The following TSC22D2 variants were observed in gnomAD, a reference collection of about 807,000 sequenced individuals.
TSC22D2 encodes the protein TSC22 domain family member 2, also known as TSC22 domain family protein 2.
In TSC22D2, 5 loss-of-function variants were observed where a neutral mutation model predicts 50.1. The ratio of observed to expected loss-of-function variants is 0.10; its 90% CI spans 0.05 to 0.21. The LOEUF (loss-of-function observed/expected upper bound fraction) is 0.21, where lower values mean the gene tolerates loss of function less well. TSC22D2 is among the 10% of genes least tolerant of loss of function. TSC22D2 has a pLI of 1.00. For missense variants in TSC22D2, 1,003 were observed against 1,015.5 expected (o/e 0.99, Z 0.17); for synonymous variants, 501 against 450.1 (o/e 1.11, Z -1.43).
rs1355252994 is a variant in TSC22D2, at chr3:150,410,022, G to A, written c.672G>A (p.Ser224=). The A allele has an allele frequency of 8.7e-6, 14 of 1,613,318 alleles. No individual in the cohort carries two copies. Among genetic ancestry groups the A allele is most frequent in the Non-Finnish European group, 1.1e-5 (13 of 1,180,034 alleles). ...GCGGCCTGGGCGCCACCGGAGGGTC[G>A]GTGGTGGTAGTAGTGGCCTCCATGC... The part of the protein sequence containing the change: ...RDSGLGATGG[S]VVVVVASMQG... The change falls in exon 1 of 3, where the codon TCG becomes TCA. Residue 224 remains serine (S), a synonymous_variant. Coordinates refer to ENST00000688009, the MANE Select transcript of TSC22D2 (RefSeq NM_001303264.2).
intron 1 of TSC22D2, among the ~76,000 whole-genome samples, chr3:150,416,050 A>G (rs1019016175): frequency 7.9e-5 from 12 of 152,174 alleles, no homozygotes; most frequent in African/African-American, 2.9e-4. Flanking sequence ...AAGGAATCTG[A>G]CCTTCCTTTC....
intron 1 of TSC22D2, among the ~76,000 whole-genome samples, chr3:150,454,787 C>A (rs1357890495): frequency 6.6e-6 from 1 of 152,126 alleles, no homozygotes; most frequent in Non-Finnish European, 1.5e-5. Context: ...AATATTAACA[C>A]CATTTAAGGG....
At chr3:150,454,260 A>C (rs1036137731) in intron 1 of TSC22D2, among the ~76,000 whole-genome samples, 2 of 152,180 alleles carry the variant, frequency 1.3e-5, no homozygotes, top group Non-Finnish European at 2.9e-5. Context: ...CAGCTGAGGG[A>C]GCAGTTTCTG....
intron 1 of TSC22D2, among the ~76,000 whole-genome samples, chr3:150,433,172 G>GT (rs1240607703): frequency 6.6e-6 from 1 of 152,174 alleles, no homozygotes; most frequent in Non-Finnish European, 1.5e-5. Flanking sequence ...TCTCCCAGTT[G>GT]TTTCAAAGTT....
intron 1 of TSC22D2, among the ~76,000 whole-genome samples, chr3:150,423,900 C>G (rs755760247): frequency 2.0e-5 from 3 of 152,104 alleles, no homozygotes; most frequent in Non-Finnish European, 4.4e-5. Context: ...TCGTTAGATT[C>G]TTTTAACTCT....
At chr3:150,450,578 T>G (rs1721009920) in intron 1 of TSC22D2, among the ~76,000 whole-genome samples, 1 of 152,134 alleles carries the variant, frequency 6.6e-6, no homozygotes, top group African/African-American at 2.4e-5. Context: ...TCACCCAAGT[T>G]TTATTCTTAA....
chr3:150,413,848 T>G (rs1013369604), intron 1 of TSC22D2, among the ~76,000 whole-genome samples: 1 of 151,444 alleles, frequency 6.6e-6, no homozygotes, highest in Non-Finnish European at 1.5e-5. Flanking sequence ...AAATTTCAGA[T>G]CCTAAGGAAA....
intron 1 of TSC22D2, among the ~76,000 whole-genome samples, chr3:150,451,729 AG>A (rs1244419265): frequency 6.6e-6 from 1 of 152,168 alleles, no homozygotes; most frequent in East Asian, 1.9e-4. Flanking sequence ...GCTTATTGTA[AG>A]GACTCATTAA....
intron 1 of TSC22D2, among the ~76,000 whole-genome samples, chr3:150,439,874 C>T (rs899947596): frequency 1.3e-5 from 2 of 152,158 alleles, no homozygotes; most frequent in Non-Finnish European, 2.9e-5. Context: ...GCCCATTAGA[C>T]TGATGGGACA....
chr3:150,423,049 G>T, intron 1 of TSC22D2: 1 of 1,612,402 alleles, frequency 6.2e-7, no homozygotes, highest in South Asian at 1.1e-5. Context: ...GATCTCACAG[G>T]AATCCTTCAA....
rs777556133 is a variant in TSC22D2 at position 150,410,863 on chromosome 3, G to A, written c.1513G>A (p.Gly505Arg). 7 of 1,613,782 alleles carry A rather than the reference G, an allele frequency of 4.3e-6. No individual in the cohort carries two copies. The highest frequency in any genetic ancestry group is 4.0e-5 in the African/African-American group (3 of 74,916). ...TGGTGGCCCTCACGCCGTGGTGCCC[G>A]GAGTTCCAAACGTGCCTGCAGCCGT... ...VPGGPHAVVP[G>R]VPNVPAAVPA... Residue 505 changes from glycine (G) to arginine (R), a missense_variant, in exon 1 of 3, where the codon GGA (glycine) becomes AGA (arginine). By Grantham distance (125) the Gly-to-Arg change is moderately radical. Coordinates refer to ENST00000688009, the MANE Select transcript of TSC22D2 (RefSeq NM_001303264.2).
chr3:150,428,265 G>A (rs143301667), intron 1 of TSC22D2, among the ~76,000 whole-genome samples: 1 of 151,986 alleles, frequency 6.6e-6, no homozygotes, highest in Admixed American at 6.6e-5. Flanking sequence ...GGACTCTTTC[G>A]TATCACATAT....
At chr3:150,440,621 C>A (rs1720684491) in intron 1 of TSC22D2, among the ~76,000 whole-genome samples, 1 of 87,060 alleles carries the variant, frequency 1.1e-5, no homozygotes, top group Non-Finnish European at 2.8e-5. Flanking sequence ...CATGTAAAAC[C>A]CTTATTAAAT....
intron 1 of TSC22D2, among the ~76,000 whole-genome samples, chr3:150,433,896 A>G (rs1457172897): frequency 6.6e-6 from 1 of 152,092 alleles, no homozygotes; most frequent in Admixed American, 6.5e-5. Flanking sequence ...GCAACATGGC[A>G]AAACCTCATC....
At chr3:150,448,993 A>C (rs1720963497) in intron 1 of TSC22D2, among the ~76,000 whole-genome samples, 1 of 151,994 alleles carries the variant, frequency 6.6e-6, no homozygotes, top group Non-Finnish European at 1.5e-5. Context: ...CCATTTGCTT[A>C]CCAGATTTAC....
rs367978951 is a variant in TSC22D2, at chr3:150,437,047, T to C, written c.1959-20029T>C. ...CCTTTATAGTGTTTTATTTAGGGGATTAATTTAGGCAAAACTATGCCCACA... is the reference window on the plus strand; with the variant it reads ...CCTTTATAGTGTTTTATTTAGGGGACTAATTTAGGCAAAACTATGCCCACA... On this transcript the variant is annotated intron_variant, in intron 1 of 2. Transcript: ENST00000688009. Among the ~76,000 whole-genome samples, 3 of 152,174 alleles carry C rather than the reference T, an allele frequency of 2.0e-5. No individual in the cohort carries two copies. The East Asian group carries it at 5.8e-4, about 29-fold the overall frequency.
intron 1 of TSC22D2, among the ~76,000 whole-genome samples, chr3:150,437,808 A>AAAATAAAT: frequency 6.6e-6 from 1 of 151,794 alleles, no homozygotes; most frequent in Non-Finnish European, 1.5e-5. Flanking sequence ...ACTCCGTCTC[A>AAAATAAAT]AAATAAATAA....
chr3:150,430,950 G>T (rs887794329), intron 1 of TSC22D2, among the ~76,000 whole-genome samples: 2 of 151,976 alleles, frequency 1.3e-5, no homozygotes, highest in Non-Finnish European at 2.9e-5. Context: ...ATAGTACAAA[G>T]AACTCAATCT....
intron 1 of TSC22D2, among the ~76,000 whole-genome samples, chr3:150,433,758 A>T (rs1054648485): frequency 6.6e-6 from 1 of 152,258 alleles, no homozygotes; most frequent in Non-Finnish European, 1.5e-5. Context: ...TTCAAAAAGC[A>T]TAATATATTA....
Sources: gnomAD v4.1 joint callset for allele counts (sites outside exome capture counted in the v4.1 genomes callset) on GRCh38, gnomAD v4.1.1 for gene constraint, MANE v1.5 for transcripts, NCBI Gene and HGNC (gene_info 2026-07-23, HGNC 2026-07-21) for gene names.